Variants in AOPEP observed in about 807,000 individuals in gnomAD.
The protein encoded by AOPEP is aminopeptidase O.
Under a neutral mutation model 98.1 loss-of-function variants are expected in AOPEP, and 77 were observed. The ratio of observed to expected loss-of-function variants is 0.78; its 90% CI spans 0.65 to 0.95. AOPEP has a LOEUF of 0.95. Ranked by LOEUF, AOPEP falls within the 40% of genes least tolerant of loss-of-function variation. AOPEP has a pLI of 0.00. For synonymous variants in AOPEP, 346 were observed against 365.3 expected (o/e 0.95, Z 0.60); for missense variants, 1,024 against 1,024.7 (o/e 1.00, Z 0.01).
At chr9:94,749,820 T>C (rs1835290388) in intron 1 of AOPEP, among the ~76,000 whole-genome samples, 1 of 152,252 alleles carries the variant, frequency 6.6e-6, no homozygotes, top group African/African-American at 2.4e-5. Flanking sequence ...AAAATCTTTA[T>C]CTGTTAATTC....
chr9:95,082,266 G>C (rs1300636989), intron 15 of AOPEP, among the ~76,000 whole-genome samples: 2 of 152,230 alleles, frequency 1.3e-5, no homozygotes, highest in African/African-American at 4.8e-5. Context: ...TGTCTGTTCA[G>C]AGCGTTCCTG....
chr9:95,020,938 A>G (rs1054399337), intron 13 of AOPEP, among the ~76,000 whole-genome samples: 1 of 150,948 alleles, frequency 6.6e-6, no homozygotes, highest in Non-Finnish European at 1.5e-5. Flanking sequence ...AAAAAAAAAG[A>G]CATAAGCATG....
intron 5 of AOPEP, among the ~76,000 whole-genome samples, chr9:94,864,152 C>T (rs1472362881): frequency 6.6e-6 from 1 of 152,152 alleles, no homozygotes; most frequent in Non-Finnish European, 1.5e-5. Context: ...CTGCTATGTT[C>T]TGTGGTAATT....
intron 10 of AOPEP, among the ~76,000 whole-genome samples, chr9:94,977,931 A>G (rs2059950714): frequency 6.6e-6 from 1 of 152,216 alleles, no homozygotes; most frequent in South Asian, 2.1e-4. Context: ...CTGTTTTGAA[A>G]TAGCAATTGC....
the AOPEP span, chr9:95,110,470 C>CT: frequency 4.9e-6 from 5 of 1,029,728 alleles, no homozygotes; most frequent in Non-Finnish European, 5.8e-6. Flanking sequence ...AAAAAGCTTT[C>CT]TTTTTAATCA....
rs933741522 is a variant in AOPEP, at chr9:94,980,314, G to T, written c.1977+887G>T. ...CTCAGTCTGGGGCAGCCCCCAGAGC[G>T]GCTGCAGGCTGGGCCTGACCCAGGG... On this transcript the variant is annotated intron_variant, in intron 11 of 16. Coordinates refer to ENST00000375315, the MANE Select transcript of AOPEP (RefSeq NM_001193329.3). The surrounding 1 kb of genome is among the most constrained non-coding windows in gnomAD (Gnocchi z 4.3). 6.6e-6 allele frequency among the ~76,000 whole-genome samples: 1 copy of T among 152,232 alleles called. No homozygotes were observed. The highest frequency in any genetic ancestry group is 1.5e-5 in the Non-Finnish European group (1 of 68,040).
chr9:95,144,008 T>G, the AOPEP span, among the ~76,000 whole-genome samples: 1 of 152,112 alleles, frequency 6.6e-6, no homozygotes, highest in African/African-American at 2.4e-5. Context: ...ACCAGCCAAT[T>G]GTCAAACAGA....
chr9:95,006,151 T>TG (rs766856290), intron 13 of AOPEP: 3 of 465,258 alleles, frequency 6.4e-6, no homozygotes, highest in South Asian at 1.6e-5. Context: ...TGCAGAAGTT[T>TG]GGACTGCCTG....
At chr9:94,988,049 G>A (rs1397653375) in intron 11 of AOPEP, among the ~76,000 whole-genome samples, 2 of 152,182 alleles carry the variant, frequency 1.3e-5, no homozygotes, top group East Asian at 1.9e-4. Flanking sequence ...TGGAGGGTGT[G>A]GAACAGCTAG....
chr9:94,858,192 A>G (rs2044476144), intron 5 of AOPEP, among the ~76,000 whole-genome samples: 1 of 152,096 alleles, frequency 6.6e-6, no homozygotes, highest in Non-Finnish European at 1.5e-5. Context: ...GGGTATGTAT[A>G]GTGGAAATGG....
At chr9:95,024,774 C>G (rs2133249201) in intron 13 of AOPEP, among the ~76,000 whole-genome samples, 1 of 152,332 alleles carries the variant, frequency 6.6e-6, no homozygotes, top group African/African-American at 2.4e-5. Flanking sequence ...TTTCCTGCTT[C>G]CTCTACTCTT....
At chr9:94,792,638 C>T (rs550433528) in intron 3 of AOPEP, 127 bp from the exon 4 acceptor site, 686 of 871,642 alleles carry the variant, frequency 7.9e-4, no homozygotes, top group African/African-American at 2.6e-3. Flanking sequence ...CTGACGTGAC[C>T]GACCTCCAAG....
rs188471393 is a variant in AOPEP at position 94,728,504 on chromosome 9, C to T, written c.-136+1753C>T. On this transcript the variant is annotated intron_variant, in intron 1 of 16. Coordinates refer to ENST00000375315, the MANE Select transcript of AOPEP (RefSeq NM_001193329.3). ...GATTTTTGACCTCACTGTGCCCGGT[C>T]GAGGACAGTTCTTCTAAGGAATTTG... is the stretch of plus-strand genomic sequence containing the variant. Among the ~76,000 whole-genome samples the T allele has an allele frequency of 5.9e-5, 9 of 152,180 alleles. No individual in the cohort carries two copies. The East Asian group carries it at 1.5e-3, about 26-fold the overall frequency.
chr9:95,077,518 A>G (rs771421105), intron 14 of AOPEP, among the ~76,000 whole-genome samples: 8 of 152,164 alleles, frequency 5.3e-5, no homozygotes, highest in Non-Finnish European at 1.0e-4. Flanking sequence ...GACTGAGGAA[A>G]TTACAGAAAG....
chr9:94,942,819 C>T (rs116052580), intron 7 of AOPEP, among the ~76,000 whole-genome samples: 3,089 of 150,334 alleles, frequency 0.021, 113 homozygotes, highest in African/African-American at 0.072. Context: ...TCATTTACAT[C>T]GCTTGAACCC....
chr9:95,054,315 A>G (rs942994793), intron 13 of AOPEP, among the ~76,000 whole-genome samples: 9 of 152,194 alleles, frequency 5.9e-5, no homozygotes, highest in African/African-American at 2.2e-4. Flanking sequence ...AGGATCCCAC[A>G]CATCTCTTGT....
intron 5 of AOPEP, among the ~76,000 whole-genome samples, chr9:94,880,286 AAC>A (rs1413495879): frequency 1.3e-5 from 2 of 152,186 alleles, no homozygotes; most frequent in Non-Finnish European, 2.9e-5. Flanking sequence ...AGAAGTGAGA[AAC>A]CCCTATTGTT....
intron 5 of AOPEP, among the ~76,000 whole-genome samples, chr9:94,859,316 T>C (rs1361482228): frequency 6.6e-6 from 1 of 152,254 alleles, no homozygotes; most frequent in Non-Finnish European, 1.5e-5. Flanking sequence ...TGTGGTACTT[T>C]GTTCTAGCAG....
At chr9:94,973,284 T>C (rs1190754875) in intron 10 of AOPEP, among the ~76,000 whole-genome samples, 3 of 152,164 alleles carry the variant, frequency 2.0e-5, no homozygotes, top group South Asian at 2.1e-4. Context: ...TCAAGCAACA[T>C]GTTGATAGGC....
Sources: allele counts gnomAD v4.1 joint callset (sites outside exome capture counted in the v4.1 genomes callset), GRCh38; gene constraint gnomAD v4.1.1; non-coding constraint Gnocchi (gnomAD v3.1); transcripts MANE v1.5; gene names NCBI Gene and HGNC (gene_info 2026-07-23, HGNC 2026-07-21).